PCDHGA9: variants seen among roughly 807,000 people sequenced by gnomAD.
PCDHGA9 encodes protocadherin gamma-A9.
In PCDHGA9, 37 loss-of-function variants were observed where a neutral mutation model predicts 62.5. The ratio of observed to expected loss-of-function variants is 0.59; its 90% confidence interval spans 0.46 to 0.78. The LOEUF (loss-of-function observed/expected upper bound fraction) is 0.78. Ranked by LOEUF, PCDHGA9 falls within the 30% of genes least tolerant of loss-of-function variation. The pLI, the probability that PCDHGA9 is intolerant of heterozygous loss-of-function variation, is 0.00. For missense variants in PCDHGA9, 1,138 were observed against 1,166.2 expected (o/e 0.98, Z 0.35); for synonymous variants, 459 against 484.6 (o/e 0.95, Z 0.69).
At position 141,432,686 on chromosome 5, in the gene PCDHGA9, G is replaced by T. The variant is rs2097528577; in HGVS notation, c.2424+27310G>T. ...CAGAGACGCGCTCAAGCAGAGCCTC[G>T]TAGTGGCCGTCCAGGACCACGGCCA... On this transcript the variant is annotated intron_variant, in intron 1 of 3. Transcript: ENST00000573521. The surrounding 1 kb of genome is among the most constrained non-coding windows in gnomAD (Gnocchi z 6.0). 6.2e-7 allele frequency: 1 copy of T among 1,613,922 alleles called. No individual in the cohort carries two copies. Among genetic ancestry groups the T allele is most frequent in the Non-Finnish European group, 8.5e-7 (1 of 1,179,968 alleles).
In PCDHGA9 at chr5:141,422,312, C is replaced by T; in HGVS notation, c.2424+16936C>T. On this transcript the variant is annotated intron_variant, in intron 1 of 3. Coordinates refer to ENST00000573521, the MANE Select transcript of PCDHGA9 (RefSeq NM_018921.3). ...ATTAATTCAATTCTGGAAAACTCTC[C>T]TCCAGGTACAGTGATTGCTCTTCTA... The T allele has an allele frequency of 1.9e-6, 3 of 1,547,444 alleles. No individual in the cohort carries two copies. Among genetic ancestry groups the T allele is most frequent in the Non-Finnish European group, 1.7e-6 (2 of 1,153,976 alleles).
At position 141,493,202 on chromosome 5, in the gene PCDHGA9, A is replaced by G. The variant is rs1246390819; in HGVS notation, c.2425-1605A>G. Among the ~76,000 whole-genome samples, 1 of 152,196 alleles carries G rather than the reference A, an allele frequency of 6.6e-6. No individual in the cohort carries two copies. ...ACTATATAACTCCTTTGAGAACCTC[A>G]TCTCATTTGCTCTTCCCACCATTGC... On this transcript the variant is annotated intron_variant, in intron 1 of 3. Transcript: ENST00000573521. The surrounding 1 kb of genome is among the most constrained non-coding windows in gnomAD (Gnocchi z 4.3).
intron 1 of PCDHGA9, among the ~76,000 whole-genome samples, chr5:141,468,921 G>A (rs1254189500): frequency 6.6e-6 from 1 of 151,342 alleles, no homozygotes; most frequent in African/African-American, 2.4e-5. Context: ...GAAGAGAATA[G>A]CACTAAAATG....
chr5:141,478,290 A>G, intron 1 of PCDHGA9: 1 of 1,614,056 alleles, frequency 6.2e-7, no homozygotes, highest in South Asian at 1.1e-5. Flanking sequence ...CAGTCTAGAG[A>G]CCTATACCGA....
At chr5:141,470,900 G>A (rs1454085317) in intron 1 of PCDHGA9, among the ~76,000 whole-genome samples, 4 of 151,832 alleles carry the variant, frequency 2.6e-5, no homozygotes, top group African/African-American at 9.7e-5. Context: ...GTTTTTTGTA[G>A]AGATGGGACT....
intron 1 of PCDHGA9, among the ~76,000 whole-genome samples, chr5:141,469,108 C>A (rs923728484): frequency 4.0e-5 from 6 of 151,768 alleles, no homozygotes; most frequent in Non-Finnish European, 5.9e-5. Context: ...AAGAACCTGT[C>A]TCTAAAAAAA....
chr5:141,485,003 A>G lies in PCDHGA9; in HGVS notation c.2425-9804A>G. On this transcript the variant is annotated intron_variant, in intron 1 of 3. Coordinates refer to ENST00000573521, the MANE Select transcript of PCDHGA9 (RefSeq NM_018921.3). The surrounding 1 kb of genome is among the most constrained non-coding windows in gnomAD (Gnocchi z 5.7). ...CAATCGGGTGGTGAAAGGCAGACAA[A>G]TCTACCCCGCCACCAGCAAAAACGG... 1 of 620,758 alleles carries G rather than the reference A, an allele frequency of 1.6e-6. No homozygotes were observed. The highest frequency in any genetic ancestry group is 2.0e-5 in the South Asian group (1 of 50,492). The allele number at this position is 620,758 out of a possible 1,614,324, so 38.5% of individuals were successfully genotyped here.
chr5:141,490,822 C>T lies in PCDHGA9; in HGVS notation c.2425-3985C>T. ...GCGTACCTTTGACTATGAATTGCTG[C>T]AGATGCTGCAGATTGTGGTGGGGGT... On this transcript the variant is annotated intron_variant, in intron 1 of 3. Coordinates refer to ENST00000573521, the MANE Select transcript of PCDHGA9 (RefSeq NM_018921.3). This position sits in a 1 kb window ranked among gnomAD's most constrained non-coding sequence, Gnocchi z 5.4. 2 of 1,613,842 alleles carry T rather than the reference C, an allele frequency of 1.2e-6. No individual in the cohort carries two copies. Among genetic ancestry groups the T allele is most frequent in the Non-Finnish European group, 1.7e-6 (2 of 1,179,790 alleles).
Position 141,444,152 on chromosome 5 carries a change from ATTTTTTTTTTTTTTTTT to A in PCDHGA9, c.2424+38796_2424+38812del, listed in dbSNP as rs747671382. Among the ~76,000 whole-genome samples, 167 of 33,906 alleles carry A rather than the reference ATTTTTTTTTTTTTTTTT, an allele frequency of 4.9e-3. 1 individual carries two copies. The highest frequency in any genetic ancestry group is 7.0e-3 in the Non-Finnish European group (136 of 19,318). The allele number at this position is 33,906 out of a possible 152,430, so 22.2% of individuals were successfully genotyped here. A position where few individuals can be genotyped will look rare whatever the true frequency, so the allele number is the denominator to read the frequency against. On this transcript the variant is annotated intron_variant, in intron 1 of 3. Coordinates refer to ENST00000573521, the MANE Select transcript of PCDHGA9 (RefSeq NM_018921.3). ...GATATGTGTCACTTGTGTGTACTGG[ATTTTTTTTTTTTTTTTT>A]TTTTTTTTTTTTTTTTTTTGAGATG...
chr5:141,449,837 TAATTA>T (rs1054425190), intron 1 of PCDHGA9, among the ~76,000 whole-genome samples: 11 of 151,856 alleles, frequency 7.2e-5, no homozygotes, highest in Middle Eastern at 3.4e-3. Context: ...TTCTTTTATA[TAATTA>T]AATTTTAATA....
chr5:141,423,811 T>G, intron 1 of PCDHGA9: 1 of 1,254,642 alleles, frequency 8.0e-7, no homozygotes, highest in Non-Finnish European at 1.0e-6. Flanking sequence ...ACATGTGAGT[T>G]TTACTTTGCC....
At position 141,432,181 on chromosome 5, in the gene PCDHGA9, G is replaced by A. The variant is rs1443322706; in HGVS notation, c.2424+26805G>A. 3.7e-6 allele frequency: 6 copies of A among 1,614,116 alleles called. No homozygotes were observed. In the South Asian group the frequency reaches 6.6e-5, roughly 18 times the overall value. On this transcript the variant is annotated intron_variant, in intron 1 of 3. Coordinates refer to ENST00000573521, the MANE Select transcript of PCDHGA9 (RefSeq NM_018921.3). This position sits in a 1 kb window ranked among gnomAD's most constrained non-coding sequence, Gnocchi z 6.0. ...CCAGAGGAGTTTCCCTCGTCTCTGTGACCGCCCACGACCCCGACTGTGAAG... is the reference window on the plus strand; with the variant it reads ...CCAGAGGAGTTTCCCTCGTCTCTGTAACCGCCCACGACCCCGACTGTGAAG...
In PCDHGA9 at chr5:141,489,203, C is replaced by A; in HGVS notation, c.2425-5604C>A. On this transcript the variant is annotated intron_variant, in intron 1 of 3. Transcript: ENST00000573521. The surrounding 1 kb of genome is among the most constrained non-coding windows in gnomAD (Gnocchi z 4.5). ...CCCTGGGTCTACCTTGGAGACAGGA[C>A]AGCACAGACTTACTCTCCACAAAGG... is the stretch of plus-strand genomic sequence containing the variant. 7.1e-7 allele frequency: 1 copy of A among 1,414,834 alleles called. No individual in the cohort carries two copies. Among genetic ancestry groups the A allele is most frequent in the Non-Finnish European group, 9.6e-7 (1 of 1,040,052 alleles). The allele number at this position is 1,414,834 out of a possible 1,614,324, so 87.6% of individuals were successfully genotyped here.
chr5:141,491,253 T>C lies in PCDHGA9; in HGVS notation c.2425-3554T>C, dbSNP rs71583648. The C allele has an allele frequency of 2.3e-3, 3,639 of 1,614,176 alleles. 33 individuals carry two copies. The African/African-American group carries it at 0.026, about 11-fold the overall frequency. Reference sequence around the variant, plus strand: ...TGCTGGTTCTGGAGGATGAGGACCCTGAGGAAATGCCCAAATCCAGTGACT... The same window carrying C: ...TGCTGGTTCTGGAGGATGAGGACCCCGAGGAAATGCCCAAATCCAGTGACT... On this transcript the variant is annotated intron_variant, in intron 1 of 3. Coordinates refer to ENST00000573521, the MANE Select transcript of PCDHGA9 (RefSeq NM_018921.3). This position sits in a 1 kb window ranked among gnomAD's most constrained non-coding sequence, Gnocchi z 6.9.
chr5:141,474,244 A>G (rs910247549), intron 1 of PCDHGA9, among the ~76,000 whole-genome samples: 26 of 152,270 alleles, frequency 1.7e-4, no homozygotes, highest in Non-Finnish European at 3.2e-4. Context: ...TGAATAGGGG[A>G]AAAAAAGACT....
rs1416755901 is a variant in PCDHGA9 at position 141,489,721 on chromosome 5, G to C, written c.2425-5086G>C. The C allele has an allele frequency of 6.2e-7, 1 of 1,614,016 alleles. No homozygotes were observed. The highest frequency in any genetic ancestry group is 8.5e-7 in the Non-Finnish European group (1 of 1,179,966). On this transcript the variant is annotated intron_variant, in intron 1 of 3. Coordinates refer to ENST00000573521, the MANE Select transcript of PCDHGA9 (RefSeq NM_018921.3). The surrounding 1 kb of genome is among the most constrained non-coding windows in gnomAD (Gnocchi z 4.5). ...CCCACTGGACAGTGCCCAGGATCCGGATGTGGGCACCAATACTGTGAGCTT... is the reference window on the plus strand; with the variant it reads ...CCCACTGGACAGTGCCCAGGATCCGCATGTGGGCACCAATACTGTGAGCTT...
intron 1 of PCDHGA9, chr5:141,478,144 G>A (rs2099432883): frequency 6.2e-7 from 1 of 1,613,918 alleles, no homozygotes; most frequent in Non-Finnish European, 8.5e-7. Flanking sequence ...CCCGAGCCGA[G>A]TTCCCCTCTG....
Position 141,476,656 on chromosome 5 carries a change from T to G in PCDHGA9, c.2425-18151T>G, listed in dbSNP as rs190269177. On this transcript the variant is annotated intron_variant, in intron 1 of 3. Transcript: ENST00000573521. The surrounding 1 kb of genome is among the most constrained non-coding windows in gnomAD (Gnocchi z 7.6). ...ATGAGCTGAGCCGAAATGAATACTTTGCGCTTCGCGTGCAGACGCGGGAGG... is the reference window on the plus strand; with the variant it reads ...ATGAGCTGAGCCGAAATGAATACTTGGCGCTTCGCGTGCAGACGCGGGAGG... The G allele has an allele frequency of 1.2e-6, 2 of 1,614,210 alleles. No individual in the cohort carries two copies. The highest frequency in any genetic ancestry group is 1.7e-6 in the Non-Finnish European group (2 of 1,180,044).
At chr5:141,488,208 C>T (rs2099672939) in intron 1 of PCDHGA9, among the ~76,000 whole-genome samples, 1 of 152,152 alleles carries the variant, frequency 6.6e-6, no homozygotes, top group African/African-American at 2.4e-5. Flanking sequence ...GGACTCATAT[C>T]AAGTCCCTAC....
Sources: gnomAD v4.1 joint callset for allele counts (sites outside exome capture counted in the v4.1 genomes callset) on GRCh38, gnomAD v4.1.1 for gene constraint, Gnocchi (gnomAD v3.1) non-coding constraint, MANE v1.5 for transcripts, NCBI Gene and HGNC (gene_info 2026-07-23, HGNC 2026-07-21) for gene names.